The following WNT2B variants were observed in gnomAD, a reference collection of about 807,000 sequenced individuals.
WNT2B encodes the protein protein Wnt-2b.
In WNT2B, 19 loss-of-function variants were observed where a neutral mutation model predicts 40.5. The ratio of observed to expected loss-of-function variants is 0.47; its 90% CI spans 0.33 to 0.69. The LOEUF is 0.69. WNT2B is among the 30% of genes least tolerant of loss of function. The probability of loss-of-function intolerance (pLI) is 0.02; values close to 1 mark genes in which losing one functional copy is unlikely to be tolerated. For synonymous variants in WNT2B, 220 were observed against 211.9 expected (o/e 1.04, Z -0.33); for missense variants, 467 against 556.4 (o/e 0.84, Z 1.62).
chr1:112,502,429 AC>A (rs1289405346), intron 1 of WNT2B, among the ~76,000 whole-genome samples: 3 of 152,254 alleles, frequency 2.0e-5, no homozygotes, highest in African/African-American at 4.8e-5. Flanking sequence ...AAAGCTGGAG[AC>A]CCGGCTAAAT....
chr1:112,503,662 G>C (rs1652025550), intron 1 of WNT2B, among the ~76,000 whole-genome samples: 1 of 152,120 alleles, frequency 6.6e-6, no homozygotes, highest in South Asian at 2.1e-4. Context: ...TACACACGGA[G>C]AGACAGGGAG....
At chr1:112,480,607 A>G (rs1001953994) in intron 1 of WNT2B, among the ~76,000 whole-genome samples, 2 of 151,662 alleles carry the variant, frequency 1.3e-5, no homozygotes, top group Non-Finnish European at 3.0e-5. Flanking sequence ...CCCAAAAAAG[A>G]AAGCCCAGAA....
rs563685228 is a variant in WNT2B at position 112,493,632 on chromosome 1, C to T, written c.-94-21242C>T. Among the ~76,000 whole-genome samples the T allele has an allele frequency of 6.0e-5, 9 of 151,128 alleles. No individual in the cohort carries two copies. The South Asian group carries it at 1.7e-3, about 28-fold the overall frequency. ...GCAAGACCCTATCTCAAAAATAAAACGAAACCAAAACTGAAAAGCAAAGAG... is the reference window on the plus strand; with the variant it reads ...GCAAGACCCTATCTCAAAAATAAAATGAAACCAAAACTGAAAAGCAAAGAG... On this transcript the variant is annotated intron_variant, in intron 1 of 4. Coordinates refer to the WNT2B transcript ENST00000256640.
chr1:112,472,185 G>A (rs1193951032), intron 1 of WNT2B, among the ~76,000 whole-genome samples: 1 of 152,202 alleles, frequency 6.6e-6, no homozygotes, highest in East Asian at 1.9e-4. Flanking sequence ...TTCCAGGCAT[G>A]GCCTCATGAT....
rs1653635030 is a variant in WNT2B, at chr1:112,527,429, C to T, written c.*6920C>T. On this transcript the variant is annotated 3_prime_UTR_variant, in exon 5 of 5. Coordinates refer to ENST00000369684, the MANE Select transcript of WNT2B (RefSeq NM_024494.3). ...CTCTGCATGTGGGCTCAGAAGTCAT[C>T]ATCTAAAGAATTCCATTGCTCACCT... 1 of 152,712 alleles carries T rather than the reference C, an allele frequency of 6.5e-6. No homozygotes were observed. The highest frequency in any genetic ancestry group is 2.4e-5 in the African/African-American group (1 of 41,442). 9.5% of individuals were successfully genotyped at this position (152,712 alleles called of 1,614,324 possible). A position where few individuals can be genotyped will look rare whatever the true frequency, so the allele number is the denominator to read the frequency against.
rs753310975 is a variant in WNT2B at position 112,509,866 on chromosome 1, G to A, written c.182+422G>A. Among the ~76,000 whole-genome samples the A allele has an allele frequency of 6.6e-6, 1 of 152,192 alleles. No homozygotes were observed. The highest frequency in any genetic ancestry group is 2.4e-5 in the African/African-American group (1 of 41,452). The stretch of plus-strand genomic sequence containing the variant: ...TGAGAGGTGGAGAAAGGGGCAGCTC[G>A]CTAGTCTAGCCCACCCATACCACAG... On this transcript the variant is annotated intron_variant, in intron 1 of 4. Coordinates refer to ENST00000369684, the MANE Select transcript of WNT2B (RefSeq NM_024494.3). The surrounding 1 kb of genome is among the most constrained non-coding windows in gnomAD (Gnocchi z 4.2).
chr1:112,510,929 G>T (rs1349458037), intron 1 of WNT2B, among the ~76,000 whole-genome samples: 1 of 152,196 alleles, frequency 6.6e-6, no homozygotes, highest in Non-Finnish European at 1.5e-5. Flanking sequence ...CAGGGTCTTT[G>T]TTGAGACAAC....
At chr1:112,479,621 C>G (rs1651159584) in intron 1 of WNT2B, among the ~76,000 whole-genome samples, 1 of 152,120 alleles carries the variant, frequency 6.6e-6, no homozygotes, top group Non-Finnish European at 1.5e-5. Context: ...AACAAGCCAG[C>G]AGCCAACAAG....
chr1:112,509,205 C>G lies in WNT2B; in HGVS notation c.-58C>G. 1 of 1,447,606 alleles carries G rather than the reference C, an allele frequency of 6.9e-7. No homozygotes were observed. The highest frequency in any genetic ancestry group is 9.0e-7 in the Non-Finnish European group (1 of 1,111,620). The allele number at this position is 1,447,606 out of a possible 1,614,324, so 89.7% of individuals were successfully genotyped here. On this transcript the variant is annotated 5_prime_UTR_variant, in exon 1 of 5. Transcript: ENST00000369684. The surrounding 1 kb of genome is among the most constrained non-coding windows in gnomAD (Gnocchi z 4.2). Reference sequence around the variant, plus strand: ...TGAGGTAGGAGCAGCCTGAGTACCCCCAGAAGGTGCCCCGTCCACGCCCCT... The same window carrying G: ...TGAGGTAGGAGCAGCCTGAGTACCCGCAGAAGGTGCCCCGTCCACGCCCCT...
intron 1 of WNT2B, among the ~76,000 whole-genome samples, chr1:112,500,825 A>G (rs1445223988): frequency 1.3e-5 from 2 of 152,214 alleles, no homozygotes; most frequent in Non-Finnish European, 2.9e-5. Context: ...TTACAGAAAA[A>G]TTGCAAAGAT....
intron 1 of WNT2B, among the ~76,000 whole-genome samples, chr1:112,503,924 T>G (rs1449041930): frequency 6.6e-6 from 1 of 151,768 alleles, no homozygotes; most frequent in Non-Finnish European, 1.5e-5. Flanking sequence ...CAGCGTGAAC[T>G]GAGGAAGGCA....
intron 1 of WNT2B, among the ~76,000 whole-genome samples, chr1:112,496,022 C>T (rs1266010744): frequency 6.6e-6 from 1 of 152,206 alleles, no homozygotes; most frequent in Non-Finnish European, 1.5e-5. Context: ...ACCCTCATAA[C>T]TTAATTACTT....
chr1:112,525,965 T>C lies in WNT2B; in HGVS notation c.*5456T>C. 6.2e-7 allele frequency: 1 copy of C among 1,611,208 alleles called. No individual in the cohort carries two copies. The highest frequency in any genetic ancestry group is 8.5e-7 in the Non-Finnish European group (1 of 1,177,830). ...GTTACTGTCACTTTACAGATGCTGT[T>C]CAGAAAAATTTGGTGATTTGTCCAA... is the stretch of plus-strand genomic sequence containing the variant. On this transcript the variant is annotated 3_prime_UTR_variant, in exon 5 of 5. Coordinates refer to ENST00000369684, the MANE Select transcript of WNT2B (RefSeq NM_024494.3).
At position 112,523,019 on chromosome 1, in the gene WNT2B, T is replaced by C. The variant is rs1303249556; in HGVS notation, c.*2510T>C. 6.6e-6 allele frequency: 1 copy of C among 152,264 alleles called. No individual in the cohort carries two copies. Among genetic ancestry groups the C allele is most frequent in the Non-Finnish European group, 1.5e-5 (1 of 68,066 alleles). The allele number at this position is 152,264 out of a possible 1,614,324, so 9.4% of individuals were successfully genotyped here. On this transcript the variant is annotated 3_prime_UTR_variant, in exon 5 of 5. Coordinates refer to ENST00000369684, the MANE Select transcript of WNT2B (RefSeq NM_024494.3). The stretch of plus-strand genomic sequence containing the variant: ...GAATTTACCAAAGGAAGCTGCCTTA[T>C]ATTATATGCCAGGCTGCTGGGGAAA...
At chr1:112,500,137 G>A (rs555058763) in intron 1 of WNT2B, among the ~76,000 whole-genome samples, 40 of 152,304 alleles carry the variant, frequency 2.6e-4, no homozygotes, top group African/African-American at 9.6e-4. Flanking sequence ...TGCTAAGGTA[G>A]TGACTCTCCA....
intron 1 of WNT2B, among the ~76,000 whole-genome samples, chr1:112,473,111 G>GA (rs1650938064): frequency 3.3e-5 from 3 of 90,044 alleles, no homozygotes; most frequent in African/African-American, 8.2e-5. Context: ...GGAAGGAAGG[G>GA]AAAAAAGAAA....
chr1:112,483,211 CACACACACACATAT>C (rs772009568), intron 1 of WNT2B, among the ~76,000 whole-genome samples: 1,404 of 82,110 alleles, frequency 0.017, 15 homozygotes, highest in Non-Finnish European at 0.022. Flanking sequence ...CACACACACA[CACACACACACATAT>C]ACACACACAC....
chr1:112,518,328 A>G (rs1316017680), intron 4 of WNT2B: 2 of 152,158 alleles, frequency 1.3e-5, no homozygotes, highest in Admixed American at 6.5e-5. Flanking sequence ...GCTCTTTTCT[A>G]CAGGCTCAGC....
At chr1:112,479,088 GTA>G (rs1651138444) in intron 1 of WNT2B, among the ~76,000 whole-genome samples, 1 of 151,124 alleles carries the variant, frequency 6.6e-6, no homozygotes, top group African/African-American at 2.4e-5. Flanking sequence ...GGGCGTAGTG[GTA>G]CATGCCTGTA....
Sources: allele counts gnomAD v4.1 joint callset (sites outside exome capture counted in the v4.1 genomes callset), GRCh38; gene constraint gnomAD v4.1.1; non-coding constraint Gnocchi (gnomAD v3.1); transcripts MANE v1.5; gene names NCBI Gene and HGNC (gene_info 2026-07-23, HGNC 2026-07-21).